Variants in IQCM observed in about 807,000 individuals in gnomAD.
IQCM encodes IQ domain-containing protein M.
A neutral mutation model predicts 57.6 loss-of-function variants in IQCM; 45 were observed. The ratio of observed to expected loss-of-function variants is 0.78; its 90% CI spans 0.62 to 1.00. IQCM has a LOEUF of 1.00. Among genes scored for constraint, IQCM ranks in the 50% least tolerant of loss-of-function variants. The pLI, the probability that IQCM is intolerant of heterozygous loss-of-function variation, is 0.00. For synonymous variants in IQCM, 148 were observed against 158.9 expected, an observed-to-expected ratio of 0.93 and a Z score of 0.51; for missense variants, 468 against 511.6, an observed-to-expected ratio of 0.91 and a Z score of 0.82.
intron 2 of IQCM, among the ~76,000 whole-genome samples, chr4:149,763,258 C>G (rs1333046044): frequency 1.3e-5 from 2 of 151,930 alleles, no homozygotes; most frequent in African/African-American, 4.8e-5. Context: ...ACAAAAAAAG[C>G]CTAGTTTGTA....
chr4:149,361,307 C>A (rs1729465209), intron 13 of IQCM, among the ~76,000 whole-genome samples: 1 of 152,216 alleles, frequency 6.6e-6, no homozygotes, highest in Middle Eastern at 3.4e-3. Flanking sequence ...GAAAAGAAAA[C>A]CCCATTTTCT....
At chr4:149,726,144 GAAA>G (rs1765921926) in intron 5 of IQCM, among the ~76,000 whole-genome samples, 3 of 127,666 alleles carry the variant, frequency 2.3e-5, no homozygotes, top group African/African-American at 3.3e-5. Context: ...AGAAAGAAAA[GAAA>G]GAAAGAAAGA....
chr4:149,643,875 C>T (rs746915149), intron 7 of IQCM, among the ~76,000 whole-genome samples: 18 of 152,120 alleles, frequency 1.2e-4, no homozygotes, highest in Admixed American at 2.0e-4. Context: ...TTACAGACTC[C>T]GCCTTCTTAC....
intron 13 of IQCM, among the ~76,000 whole-genome samples, chr4:149,366,854 TAAAATGCTGGGG>T (rs1729879100): frequency 6.6e-6 from 1 of 151,910 alleles, no homozygotes; most frequent in African/African-American, 2.4e-5. Flanking sequence ...ATTTTCACAA[TAAAATGCTGGGG>T]AAAAATACAG....
At chr4:149,657,404 C>G (rs551287932) in intron 7 of IQCM, among the ~76,000 whole-genome samples, 1 of 152,180 alleles carries the variant, frequency 6.6e-6, no homozygotes, top group African/African-American at 2.4e-5. Flanking sequence ...TTTTGTCTAC[C>G]ATTCATCCAT....
intron 3 of IQCM, among the ~76,000 whole-genome samples, chr4:149,736,581 C>G (rs147702826): frequency 9.0e-4 from 137 of 152,152 alleles, no homozygotes; most frequent in Middle Eastern, 3.4e-3. Flanking sequence ...TACTCTTCAC[C>G]CACTCAAATT....
intron 12 of IQCM, among the ~76,000 whole-genome samples, chr4:149,476,567 A>T (rs887433691): frequency 9.2e-5 from 14 of 152,126 alleles, no homozygotes; most frequent in Non-Finnish European, 1.6e-4. Flanking sequence ...ATAGGCTTGT[A>T]AAAGTAATAG....
At chr4:149,442,103 T>C (rs1736000941) in intron 12 of IQCM, among the ~76,000 whole-genome samples, 1 of 152,136 alleles carries the variant, frequency 6.6e-6, no homozygotes, top group Non-Finnish European at 1.5e-5. Flanking sequence ...CTAAGAAAAC[T>C]ATCCTCATTT....
At position 149,652,406 on chromosome 4, in the gene IQCM, T is replaced by C. The variant is rs1164507757; in HGVS notation, c.565+29712A>G. On this transcript the variant is annotated intron_variant, in intron 7 of 13. Transcript: ENST00000636793. The stretch of plus-strand genomic sequence containing the variant: ...GCAGCAAACCACCATAGCACATGTA[T>C]ACCTATGTAACAAACCTGCACATTC... Among the ~76,000 whole-genome samples, 5 of 152,148 alleles carry C rather than the reference T, an allele frequency of 3.3e-5. No individual in the cohort carries two copies. In the East Asian group the frequency reaches 9.7e-4, roughly 29 times the overall value.
At chr4:149,487,554 C>G (rs1398282864) in intron 12 of IQCM, among the ~76,000 whole-genome samples, 1 of 152,116 alleles carries the variant, frequency 6.6e-6, no homozygotes, top group African/African-American at 2.4e-5. Context: ...TACCTAGGAC[C>G]CCAGGGCACT....
intron 2 of IQCM, among the ~76,000 whole-genome samples, chr4:149,811,962 GA>G (rs1352213797): frequency 6.6e-6 from 1 of 152,168 alleles, no homozygotes; most frequent in African/African-American, 2.4e-5. Context: ...TTCATTCAGG[GA>G]GATATGTTTT....
chr4:149,639,076 T>G (rs962306109), intron 7 of IQCM, among the ~76,000 whole-genome samples: 15 of 152,198 alleles, frequency 9.9e-5, no homozygotes, highest in African/African-American at 3.6e-4. Flanking sequence ...CAAAACTGAC[T>G]GAAAGGCACG....
intron 12 of IQCM, among the ~76,000 whole-genome samples, chr4:149,453,441 T>C (rs1737350676): frequency 1.3e-5 from 2 of 151,730 alleles, no homozygotes; most frequent in South Asian, 4.1e-4. Flanking sequence ...AGACAACCCA[T>C]AGACTAGAAG....
At chr4:149,716,426 C>A (rs965294970) in intron 5 of IQCM, among the ~76,000 whole-genome samples, 2 of 152,202 alleles carry the variant, frequency 1.3e-5, no homozygotes, top group African/African-American at 4.8e-5. Context: ...ATTTCTGAGC[C>A]TGTGGGGGCA....
chr4:149,772,932 G>A (rs954442989), intron 2 of IQCM, among the ~76,000 whole-genome samples: 1 of 152,138 alleles, frequency 6.6e-6, no homozygotes, highest in African/African-American at 2.4e-5. Flanking sequence ...AAAAACACTT[G>A]AAAGCCTGTT....
intron 12 of IQCM, among the ~76,000 whole-genome samples, chr4:149,436,753 A>T (rs532052399): frequency 6.6e-6 from 1 of 152,098 alleles, no homozygotes; most frequent in East Asian, 1.9e-4. Context: ...GCCATAAGGG[A>T]TTTAGATGTA....
At chr4:149,544,784 C>T (rs556637330) in intron 12 of IQCM, among the ~76,000 whole-genome samples, 24 of 152,116 alleles carry the variant, frequency 1.6e-4, no homozygotes, top group African/African-American at 4.8e-4. Context: ...GACAAGAATA[C>T]GCAATAGGGA....
intron 7 of IQCM, among the ~76,000 whole-genome samples, chr4:149,666,487 CA>C (rs1318591592): frequency 3.9e-5 from 6 of 152,036 alleles, no homozygotes; most frequent in African/African-American, 1.4e-4. Flanking sequence ...GTTTCAAGCA[CA>C]AAACTGGGCG....
Position 149,619,103 on chromosome 4 carries a change from GAT to G in IQCM, c.681+2024_681+2025del, listed in dbSNP as rs1756061339. Among the ~76,000 whole-genome samples the G allele has an allele frequency of 3.8e-5, 4 of 104,384 alleles. No homozygotes were observed. The East Asian group carries it at 1.3e-3, about 33-fold the overall frequency. 68.5% of individuals were successfully genotyped at this position (104,384 alleles called of 152,430 possible). A position where few individuals can be genotyped will look rare whatever the true frequency, so the allele number is the denominator to read the frequency against. ...ATAGATGACTGGATTAAAAATGTGG[GAT>G]GGATATATATATATATATATATATA... On this transcript the variant is annotated intron_variant, in intron 8 of 13. Coordinates refer to ENST00000636793, the MANE Select transcript of IQCM (RefSeq NM_001363507.2).
Sources: gnomAD v4.1 joint callset for allele counts (sites outside exome capture counted in the v4.1 genomes callset) on GRCh38, gnomAD v4.1.1 for gene constraint, MANE v1.5 for transcripts, NCBI Gene and HGNC (gene_info 2026-07-23, HGNC 2026-07-21) for gene names.